PLCL2: variants seen among roughly 807,000 people sequenced by gnomAD.
PLCL2 encodes the protein inactive phospholipase C-like protein 2.
In PLCL2, 4 loss-of-function variants were observed where a neutral mutation model predicts 79.6. That is an observed-to-expected ratio of 0.05 (90% confidence interval 0.02 to 0.11). The LOEUF (loss-of-function observed/expected upper bound fraction) is 0.11. PLCL2 is among the 10% of genes least tolerant of loss of function. PLCL2 has a pLI of 1.00. For missense variants in PLCL2, 895 were observed against 1,291.0 expected (o/e 0.69, Z 4.70); for synonymous variants, 484 against 457.7 (o/e 1.06, Z -0.73).
chr3:17,024,253 G>A (rs1467537246), intron 3 of PLCL2, among the ~76,000 whole-genome samples: 1 of 152,160 alleles, frequency 6.6e-6, no homozygotes, highest in Non-Finnish European at 1.5e-5. Flanking sequence ...CATCCCTTTG[G>A]TGTGTTGAGA....
At chr3:16,888,840 A>G (rs1696281676) in intron 1 of PLCL2, among the ~76,000 whole-genome samples, 1 of 152,218 alleles carries the variant, frequency 6.6e-6, no homozygotes, top group African/African-American at 2.4e-5. Flanking sequence ...AACTAGTTAA[A>G]TACTTTGGTT....
chr3:16,918,612 A>T (rs1261963275), intron 1 of PLCL2, among the ~76,000 whole-genome samples: 2 of 152,138 alleles, frequency 1.3e-5, no homozygotes, highest in Admixed American at 6.5e-5. Flanking sequence ...ATATTACCGT[A>T]ATAGTTAAGG....
intron 1 of PLCL2, among the ~76,000 whole-genome samples, chr3:16,899,952 A>G (rs1338700519): frequency 1.3e-5 from 2 of 151,066 alleles, no homozygotes; most frequent in Non-Finnish European, 2.9e-5. Flanking sequence ...TTTTTTGAAT[A>G]TCATGTTTTA....
At chr3:16,970,754 C>G (rs2063853527) in intron 1 of PLCL2, among the ~76,000 whole-genome samples, 1 of 146,136 alleles carries the variant, frequency 6.8e-6, no homozygotes, top group Non-Finnish European at 1.5e-5. Context: ...GATTGCCATT[C>G]TAACTGGTGT....
chr3:16,951,163 A>G (rs539493578), intron 1 of PLCL2, among the ~76,000 whole-genome samples: 5 of 152,226 alleles, frequency 3.3e-5, no homozygotes, highest in African/African-American at 9.6e-5. Flanking sequence ...GAATTTACCT[A>G]TTCTTTCAGA....
intron 1 of PLCL2, among the ~76,000 whole-genome samples, chr3:16,912,859 C>T (rs1207207728): frequency 1.3e-5 from 2 of 152,146 alleles, no homozygotes; most frequent in African/African-American, 4.8e-5. Flanking sequence ...AAGATGGCCT[C>T]CTCCCACCAG....
Position 17,010,417 on chromosome 3 carries a change from C to T in PLCL2, c.1071C>T (p.Phe357=). 1 of 1,613,618 alleles carries T rather than the reference C, an allele frequency of 6.2e-7. No homozygotes were observed. The highest frequency in any genetic ancestry group is 1.1e-5 in the South Asian group (1 of 91,058). Residue 357 remains phenylalanine (F), a synonymous_variant, in exon 2 of 6, where the codon TTC becomes TTT. Coordinates refer to ENST00000615277, the MANE Select transcript of PLCL2 (RefSeq NM_001144382.2). The surrounding 1 kb of genome is among the most constrained non-coding windows in gnomAD (Gnocchi z 5.8). ...TTCAGTTTTCAAGCAATAAAGAATT[C>T]CTTGATACCAAGGACCTTATGATGT... ...LLVQFSSNKE[F]LDTKDLMMFL... is the part of the protein sequence containing the mutation.
Position 16,903,524 on chromosome 3 carries a change from A to G in PLCL2, c.327+18158A>G, listed in dbSNP as rs879310690. On this transcript the variant is annotated intron_variant, in intron 1 of 5. Coordinates refer to ENST00000615277, the MANE Select transcript of PLCL2 (RefSeq NM_001144382.2). Reference sequence around the variant, plus strand: ...AGTACACTGGAGCTCCTGCCCTTAAATTTTACTTTCATTGCTCAATATGAT... The same window carrying G: ...AGTACACTGGAGCTCCTGCCCTTAAGTTTTACTTTCATTGCTCAATATGAT... Among the ~76,000 whole-genome samples the G allele has an allele frequency of 2.0e-5, 3 of 152,262 alleles. No homozygotes were observed. In the East Asian group the frequency reaches 5.8e-4, roughly 29 times the overall value.
chr3:16,902,717 C>T (rs377675244), intron 1 of PLCL2, among the ~76,000 whole-genome samples: 1 of 151,634 alleles, frequency 6.6e-6, no homozygotes. Flanking sequence ...ATCCCAGCTA[C>T]TCAGGAGGCT....
intron 1 of PLCL2, among the ~76,000 whole-genome samples, chr3:16,904,412 A>C (rs1035428984): frequency 3.9e-5 from 6 of 151,956 alleles, no homozygotes; most frequent in Non-Finnish European, 4.4e-5. Context: ...TGTGGAGAGA[A>C]TGCTTGTGTT....
At position 17,010,004 on chromosome 3, in the gene PLCL2, G is replaced by A. The variant is rs1041694597; in HGVS notation, c.658G>A (p.Val220Ile). ...GATATCTGAAGATTGTGCGTTTTCCGTCATATATGGAGAGAATTATGAGTC... is the reference window on the plus strand; with the variant it reads ...GATATCTGAAGATTGTGCGTTTTCCATCATATATGGAGAGAATTATGAGTC... ...DQISEDCAFSVIYGENYESLD... is the reference protein window; with the variant it reads ...DQISEDCAFSIIYGENYESLD... The change falls in exon 2 of 6, where the codon GTC becomes ATC. Residue 220 changes from valine to isoleucine, a missense_variant. Val to Ile is a conservative substitution (Grantham distance 29, BLOSUM62 3). Around this residue, in one of 6 missense-constraint regions of PLCL2, gnomAD observed 129 missense variants for 208.8 expected, o/e 0.62. Transcript: ENST00000615277. This position sits in a 1 kb window ranked among gnomAD's most constrained non-coding sequence, Gnocchi z 5.8. The A allele has an allele frequency of 1.7e-5, 27 of 1,614,014 alleles. No homozygotes were observed. Among genetic ancestry groups the A allele is most frequent in the South Asian group, 6.6e-5 (6 of 91,084 alleles).
At chr3:17,084,501 C>G (rs1049110256) in intron 5 of PLCL2, among the ~76,000 whole-genome samples, 1 of 152,146 alleles carries the variant, frequency 6.6e-6, no homozygotes, top group African/African-American at 2.4e-5. Flanking sequence ...ACCAGTATCT[C>G]TCATCAACAC....
chr3:17,005,609 G>A (rs2064253525), intron 1 of PLCL2, among the ~76,000 whole-genome samples: 1 of 152,180 alleles, frequency 6.6e-6, no homozygotes, highest in Non-Finnish European at 1.5e-5. Flanking sequence ...TGAATTTGCT[G>A]TGGTGCAGAA....
At chr3:16,965,201 G>T (rs1041393917) in intron 1 of PLCL2, among the ~76,000 whole-genome samples, 1 of 152,148 alleles carries the variant, frequency 6.6e-6, no homozygotes, top group African/African-American at 2.4e-5. Flanking sequence ...TTTGTATAAG[G>T]TATAAGGAAG....
chr3:16,956,013 C>A (rs988131127), intron 1 of PLCL2, among the ~76,000 whole-genome samples: 21 of 152,086 alleles, frequency 1.4e-4, no homozygotes, highest in Admixed American at 1.3e-4. Flanking sequence ...AATTGAATAC[C>A]CTTGATTTCC....
intron 3 of PLCL2, among the ~76,000 whole-genome samples, chr3:17,035,318 G>A (rs974710470): frequency 6.6e-6 from 1 of 152,140 alleles, no homozygotes; most frequent in Admixed American, 6.6e-5. Flanking sequence ...CTTGTAAACT[G>A]TAAAGCACTC....
chr3:16,930,708 A>G (rs1697372554), intron 1 of PLCL2, among the ~76,000 whole-genome samples: 1 of 152,052 alleles, frequency 6.6e-6, no homozygotes, highest in Non-Finnish European at 1.5e-5. Context: ...CATCCCTCCT[A>G]ATCTCAAGTC....
At chr3:16,933,579 T>C (rs1489920886) in intron 1 of PLCL2, among the ~76,000 whole-genome samples, 2 of 152,234 alleles carry the variant, frequency 1.3e-5, no homozygotes, top group African/African-American at 2.4e-5. Context: ...GCCTGCTTTT[T>C]CATACACTGT....
intron 1 of PLCL2, among the ~76,000 whole-genome samples, chr3:16,993,908 CATATTATTT>C (rs2064127974): frequency 1.3e-5 from 2 of 152,052 alleles, no homozygotes; most frequent in Admixed American, 6.5e-5. Context: ...TGTTCTGTGG[CATATTATTT>C]AAAACATGAG....
Sources: allele counts gnomAD v4.1 joint callset (sites outside exome capture counted in the v4.1 genomes callset), GRCh38; gene constraint gnomAD v4.1.1; regional missense constraint gnomAD v4.1.1; non-coding constraint Gnocchi (gnomAD v3.1); transcripts MANE v1.5; gene names NCBI Gene and HGNC (gene_info 2026-07-23, HGNC 2026-07-21).